Variants in DOCK10 observed in about 807,000 individuals in gnomAD.
DOCK10 encodes dedicator of cytokinesis 10.
In DOCK10, 145 loss-of-function variants were observed where a neutral mutation model predicts 280.1. The ratio of observed to expected loss-of-function variants is 0.52; its 90% CI spans 0.45 to 0.59. The LOEUF (loss-of-function observed/expected upper bound fraction) is 0.59. Ranked by LOEUF, DOCK10 falls within the 20% of genes least tolerant of loss-of-function variation. DOCK10 has a pLI of 0.00. For synonymous variants in DOCK10, 915 were observed against 942.2 expected (o/e 0.97, Z 0.53); for missense variants, 2,368 against 2,651.7 (o/e 0.89, Z 2.35).
At chr2:224,847,192 G>A (rs1402833088) in intron 19 of DOCK10, among the ~76,000 whole-genome samples, 1 of 152,134 alleles carries the variant, frequency 6.6e-6, no homozygotes, top group Non-Finnish European at 1.5e-5. Flanking sequence ...TCAACTAACT[G>A]TTTACATTTT....
At chr2:224,895,949 C>T (rs1489777436) in intron 4 of DOCK10, among the ~76,000 whole-genome samples, 1 of 151,396 alleles carries the variant, frequency 6.6e-6, no homozygotes, top group South Asian at 2.1e-4. Flanking sequence ...GAATGCTATA[C>T]AGAATATTGT....
chr2:224,801,282 CAAAAA>C (rs3083075), intron 40 of DOCK10, among the ~76,000 whole-genome samples: 3 of 74,646 alleles, frequency 4.0e-5, no homozygotes, highest in Admixed American at 1.7e-4. Context: ...CAAGACATGG[CAAAAA>C]AAAAAAAAAA....
intron 19 of DOCK10, among the ~76,000 whole-genome samples, chr2:224,848,956 CT>C (rs953648155): frequency 5.3e-5 from 8 of 152,110 alleles, no homozygotes; most frequent in Middle Eastern, 3.4e-3. Flanking sequence ...CTAAAAGCAT[CT>C]TTTTTTTAAA....
rs542621660 is a variant in DOCK10 at position 225,042,011 on chromosome 2, C to T, written c.123+241G>A. Among the ~76,000 whole-genome samples the T allele has an allele frequency of 6.6e-5, 10 of 152,368 alleles. No individual in the cohort carries two copies. The East Asian group carries it at 1.9e-3, about 29-fold the overall frequency. On this transcript the variant is annotated intron_variant, in intron 1 of 55. Transcript: ENST00000258390. The surrounding 1 kb of genome is among the most constrained non-coding windows in gnomAD (Gnocchi z 5.1). ...TCCCACGCTGCGCTTCTGCTACCCA[C>T]GCAGCTGCTCCTCTGAGCGTCCCGC...
chr2:224,984,958 C>T (rs1404256142), intron 1 of DOCK10, among the ~76,000 whole-genome samples: 1 of 151,824 alleles, frequency 6.6e-6, no homozygotes, highest in Non-Finnish European at 1.5e-5. Context: ...TCTCGTGCCT[C>T]AGCCTCCTGA....
At chr2:224,863,724 TACAGGCGTG>T (rs1229192534) in intron 13 of DOCK10, among the ~76,000 whole-genome samples, 1 of 152,234 alleles carries the variant, frequency 6.6e-6, no homozygotes, top group African/African-American at 2.4e-5. Flanking sequence ...GTGCTGGGAT[TACAGGCGTG>T]AGCCACTGCG....
chr2:224,797,035 G>C lies in DOCK10; in HGVS notation c.4756C>G (p.Leu1586Val). The C allele has an allele frequency of 6.2e-7, 1 of 1,613,642 alleles. No individual in the cohort carries two copies. The highest frequency in any genetic ancestry group is 8.5e-7 in the Non-Finnish European group (1 of 1,179,736). The change falls in exon 43 of 56, where the codon CTT becomes GTT. Residue 1586 changes from leucine (L) to valine (V), a missense_variant. Leu to Val is a conservative substitution (Grantham distance 32, BLOSUM62 1). Coordinates refer to ENST00000258390, the MANE Select transcript of DOCK10 (RefSeq NM_014689.3). The part of the protein sequence containing the change: ...SRSTQTEASA[L>V]LYFFMRKNFE... Reference sequence around the variant, plus strand: ...TTCTTCCTCATGAAAAAGTACAGAAGGGCTGAGGCTTCTGTCTGAGTTGAC... The same window carrying C: ...TTCTTCCTCATGAAAAAGTACAGAACGGCTGAGGCTTCTGTCTGAGTTGAC...
intron 3 of DOCK10, among the ~76,000 whole-genome samples, chr2:224,905,664 T>C (rs894290266): frequency 6.6e-6 from 1 of 152,208 alleles, no homozygotes; most frequent in Non-Finnish European, 1.5e-5. Flanking sequence ...GGGACACCAA[T>C]ACCCAAATCC....
At chr2:225,017,429 T>TGAGAGAGAGA (rs71062970) in intron 1 of DOCK10, among the ~76,000 whole-genome samples, 123 of 147,260 alleles carry the variant, frequency 8.4e-4, no homozygotes, top group South Asian at 2.0e-3. Flanking sequence ...AGACAGAGAT[T>TGAGAGAGAGA]GAGAGAGAGA....
rs184772166 is a variant in DOCK10 at position 224,947,402 on chromosome 2, T to C, written c.124-15734A>G. 1.2e-3 allele frequency among the ~76,000 whole-genome samples: 185 copies of C among 152,364 alleles called. 1 individual carries two copies. The highest frequency in any genetic ancestry group is 0.011 in the Admixed American group (171 of 15,298). Reference sequence around the variant, plus strand: ...CAACTGTAATAATATGGCTGAGGTCTGAGAATTGTGTTTAAAGCAATTGCT... The same window carrying C: ...CAACTGTAATAATATGGCTGAGGTCCGAGAATTGTGTTTAAAGCAATTGCT... On this transcript the variant is annotated intron_variant, in intron 1 of 55. Coordinates refer to ENST00000258390, the MANE Select transcript of DOCK10 (RefSeq NM_014689.3).
chr2:224,997,890 C>T (rs958020791), intron 1 of DOCK10, among the ~76,000 whole-genome samples: 1 of 152,070 alleles, frequency 6.6e-6, no homozygotes, highest in African/African-American at 2.4e-5. Context: ...ACTGGTGGCT[C>T]GAAGAGAGCC....
chr2:224,933,445 T>C (rs570064020), intron 1 of DOCK10, among the ~76,000 whole-genome samples: 5 of 152,314 alleles, frequency 3.3e-5, no homozygotes, highest in African/African-American at 1.2e-4. Flanking sequence ...TAGGCCTCAG[T>C]AGTCTTTATC....
chr2:224,797,026 A>T lies in DOCK10; in HGVS notation c.4765T>A (p.Phe1589Ile). ...AATTCAAAATTCTTCCTCATGAAAA[A>T]GTACAGAAGGGCTGAGGCTTCTGTC... is the stretch of plus-strand genomic sequence containing the variant. ...TQTEASALLYFFMRKNFEFNK... is the reference protein window; with the variant it reads ...TQTEASALLYIFMRKNFEFNK... The change falls in exon 43 of 56, where the codon TTT (phenylalanine) becomes ATT (isoleucine). Residue 1589 changes from phenylalanine to isoleucine, a missense_variant. Around this residue, in one of 2 missense-constraint regions of DOCK10, gnomAD observed 1,159 missense variants for 1,400.8 expected, o/e 0.83. Transcript: ENST00000258390. The T allele has an allele frequency of 6.2e-7, 1 of 1,613,640 alleles. No homozygotes were observed.
intron 2 of DOCK10, among the ~76,000 whole-genome samples, chr2:224,927,999 C>T (rs1355365128): frequency 6.6e-6 from 1 of 152,190 alleles, no homozygotes; most frequent in Non-Finnish European, 1.5e-5. Flanking sequence ...GACCACTTCA[C>T]ATTGACTCCG....
At chr2:225,024,983 G>A (rs576750875) in intron 1 of DOCK10, among the ~76,000 whole-genome samples, 13 of 152,310 alleles carry the variant, frequency 8.5e-5, no homozygotes, top group African/African-American at 1.9e-4. Flanking sequence ...GGGAGAAGCT[G>A]ACGGAGGTCT....
intron 1 of DOCK10, among the ~76,000 whole-genome samples, chr2:224,945,125 A>T (rs752912305): frequency 6.6e-6 from 1 of 152,258 alleles, no homozygotes; most frequent in Non-Finnish European, 1.5e-5. Context: ...TAGTGGACAC[A>T]AGAAATAACT....
intron 3 of DOCK10, among the ~76,000 whole-genome samples, chr2:224,898,865 G>T (rs975399818): frequency 3.3e-5 from 5 of 152,178 alleles, no homozygotes; most frequent in African/African-American, 9.7e-5. Context: ...GTGAGCCACC[G>T]CACCGGGCTG....
At chr2:225,033,153 G>A (rs896027668) in intron 1 of DOCK10, among the ~76,000 whole-genome samples, 14 of 151,544 alleles carry the variant, frequency 9.2e-5, no homozygotes, top group African/African-American at 3.4e-4. Context: ...CATTTAAGTT[G>A]CCCAAAATAA....
intron 19 of DOCK10, among the ~76,000 whole-genome samples, chr2:224,845,935 G>T (rs1019557204): frequency 6.6e-6 from 1 of 152,106 alleles, no homozygotes; most frequent in Non-Finnish European, 1.5e-5. Flanking sequence ...TGTTGGCCAG[G>T]CTGGTCTCAA....
Sources: gnomAD v4.1 joint callset for allele counts (sites outside exome capture counted in the v4.1 genomes callset) on GRCh38, gnomAD v4.1.1 for gene constraint, gnomAD v4.1.1 regional missense constraint, Gnocchi (gnomAD v3.1) non-coding constraint, MANE v1.5 for transcripts, NCBI Gene and HGNC (gene_info 2026-07-23, HGNC 2026-07-21) for gene names.